The following HVCN1 variants were observed in gnomAD, a reference collection of about 807,000 sequenced individuals.
The protein encoded by HVCN1 is hydrogen voltage gated channel 1, also known as voltage-gated hydrogen channel 1.
In HVCN1, 14 loss-of-function variants were observed where a neutral mutation model predicts 29.2. That is an observed-to-expected ratio of 0.48 (90% CI 0.32 to 0.75). HVCN1 has a LOEUF of 0.75. Ranked by LOEUF, HVCN1 falls within the 30% of genes least tolerant of loss-of-function variation. The pLI is 0.04. For missense variants in HVCN1, 263 were observed against 341.8 expected, an observed-to-expected ratio of 0.77 and a Z score of 1.82; for synonymous variants, 131 against 133.2, an observed-to-expected ratio of 0.98 and a Z score of 0.11.
rs1213460583 is a variant in HVCN1 at position 110,661,618 on chromosome 12, T to A, written c.22-170A>T. Among the ~76,000 whole-genome samples the A allele has an allele frequency of 6.6e-6, 1 of 152,030 alleles. No homozygotes were observed. Among genetic ancestry groups the A allele is most frequent in the Non-Finnish European group, 1.5e-5 (1 of 68,020 alleles). ...GTTTCTCGTGCTTTTATTTTTGGAA[T>A]CCAGGGTCTCAGTGTCTATGAGGCA... On this transcript the variant is annotated intron_variant, in intron 3 of 7. Transcript: ENST00000242607. This position sits in a 1 kb window ranked among gnomAD's most constrained non-coding sequence, Gnocchi z 6.2.
chr12:110,696,740 G>T (rs907352245), intron 2 of HVCN1, among the ~76,000 whole-genome samples: 1 of 152,142 alleles, frequency 6.6e-6, no homozygotes, highest in African/African-American at 2.4e-5. Context: ...CGTCATCCAT[G>T]TTGTAGCATG....
rs2068149688 is a variant in HVCN1 at position 110,661,030 on chromosome 12, C to T, written c.306+134G>A. On this transcript the variant is annotated intron_variant, in intron 4 of 7. Coordinates refer to ENST00000242607, the MANE Select transcript of HVCN1 (RefSeq NM_032369.4). The surrounding 1 kb of genome is among the most constrained non-coding windows in gnomAD (Gnocchi z 6.2). ...CCAGCACGGTACAGGGTCCCCGGCA[C>T]GTGGTAGGTGCTGGGCAAACACTCG... 6.0e-6 allele frequency: 5 copies of T among 831,542 alleles called. No homozygotes were observed. The highest frequency in any genetic ancestry group is 7.8e-6 in the Non-Finnish European group (4 of 512,522). The allele number at this position is 831,542 out of a possible 1,614,324, so 51.5% of individuals were successfully genotyped here.
intron 3 of HVCN1, among the ~76,000 whole-genome samples, chr12:110,669,865 GA>G (rs1421343634): frequency 6.6e-6 from 1 of 152,080 alleles, no homozygotes; most frequent in Non-Finnish European, 1.5e-5. Flanking sequence ...AGACCAGCCT[GA>G]CCAACAGGGT....
intron 3 of HVCN1, among the ~76,000 whole-genome samples, chr12:110,662,604 C>T (rs1281761277): frequency 1.3e-5 from 2 of 152,198 alleles, no homozygotes. Flanking sequence ...ACTCAGGAGG[C>T]TGAGGCCCCA....
chr12:110,692,506 G>A (rs2069424947), upstream of HVCN1, among the ~76,000 whole-genome samples: 1 of 152,140 alleles, frequency 6.6e-6, no homozygotes, highest in Non-Finnish European at 1.5e-5. Flanking sequence ...GACTGCTTGA[G>A]CCCAGGAGTT....
chr12:110,704,114 C>CT (rs550716738), intron 1 of HVCN1, among the ~76,000 whole-genome samples: 11 of 152,166 alleles, frequency 7.2e-5, no homozygotes, highest in Admixed American at 7.2e-4. Flanking sequence ...ATGTGTACGC[C>CT]TAAGTATGGG....
intron 3 of HVCN1, among the ~76,000 whole-genome samples, chr12:110,665,603 CAAGA>C (rs1465472276): frequency 6.6e-6 from 1 of 150,766 alleles, no homozygotes; most frequent in Non-Finnish European, 1.5e-5. Flanking sequence ...TAGAACTGGC[CAAGA>C]AAGACTTGAA....
rs566878792 is a variant in HVCN1 at position 110,695,389 on chromosome 12, C to T, written c.-103-6681G>A. Among the ~76,000 whole-genome samples, 1,033 of 152,092 alleles carry T rather than the reference C, an allele frequency of 6.8e-3. 1 individual carries two copies. The highest frequency in any genetic ancestry group is 9.3e-3 in the Non-Finnish European group (632 of 67,986). On this transcript the variant is annotated intron_variant, in intron 2 of 4. Transcript: ENST00000546713. Reference sequence around the variant, plus strand: ...TTTTGTGTACACACACACACACACACACACACACACACATGACCTAGCCAG... The same window carrying T: ...TTTTGTGTACACACACACACACACATACACACACACACATGACCTAGCCAG...
chr12:110,691,890 C>T (rs893850486), upstream of HVCN1, among the ~76,000 whole-genome samples: 1 of 152,312 alleles, frequency 6.6e-6, no homozygotes, highest in Non-Finnish European at 1.5e-5. Context: ...TGGCCTGGAA[C>T]CTGGGGCCAC....
intron 3 of HVCN1, among the ~76,000 whole-genome samples, chr12:110,663,587 CAAAAAAA>C (rs1182792368): frequency 6.6e-4 from 17 of 25,836 alleles, no homozygotes; most frequent in Middle Eastern, 0.048. Context: ...GACGCTGTCT[CAAAAAAA>C]AAAAAAAAAA....
chr12:110,661,239 G>T lies in HVCN1; in HGVS notation c.231C>A (p.Ala77=). 1 of 1,614,068 alleles carries T rather than the reference G, an allele frequency of 6.2e-7. No individual in the cohort carries two copies. The highest frequency in any genetic ancestry group is 8.5e-7 in the Non-Finnish European group (1 of 1,179,932). The part of the protein sequence containing the change: ...GRAAAPDVAP[A]PGPAPRAPLD... ...GGGGGGCCCTGGGTGCGGGGCCAGG[G>T]GCAGGGGCAACGTCAGGGGCTGCAG... The change falls in exon 4 of 8, where the codon GCC becomes GCA. Residue 77 remains alanine, a synonymous_variant. Coordinates refer to ENST00000242607, the MANE Select transcript of HVCN1 (RefSeq NM_032369.4). This position sits in a 1 kb window ranked among gnomAD's most constrained non-coding sequence, Gnocchi z 6.2.
chr12:110,683,066 A>T, intron 3 of HVCN1, 159 bp downstream of exon 3: 1 of 948,448 alleles, frequency 1.1e-6, no homozygotes, highest in South Asian at 1.4e-5. Flanking sequence ...GGTTTTGTGA[A>T]GTCCTTTTAC....
intron 1 of HVCN1, among the ~76,000 whole-genome samples, chr12:110,703,384 G>A (rs2069580653): frequency 6.6e-6 from 1 of 150,442 alleles, no homozygotes; most frequent in African/African-American, 2.4e-5. Context: ...GTGAGATCCT[G>A]ACTCTAAAAA....
At position 110,681,555 on chromosome 12, in the gene HVCN1, T is replaced by TA. The variant is rs538424473; in HGVS notation, c.21+1669dup. On this transcript the variant is annotated intron_variant, in intron 3 of 7. Coordinates refer to ENST00000242607, the MANE Select transcript of HVCN1 (RefSeq NM_032369.4). Reference sequence around the variant, plus strand: ...AGGAAAAGCATGAACAGTTCCCACTTAACCTTTCTTCCATGCTGACTCTCT... The same window carrying TA: ...AGGAAAAGCATGAACAGTTCCCACTTAAACCTTTCTTCCATGCTGACTCTCT... 2.9e-3 allele frequency among the ~76,000 whole-genome samples: 444 copies of TA among 152,346 alleles called. 4 individuals are homozygous for TA. The highest frequency in any genetic ancestry group is 0.02 in the South Asian group (99 of 4,830).
intron 4 of HVCN1, among the ~76,000 whole-genome samples, chr12:110,657,926 C>T (rs1460504250): frequency 6.6e-6 from 1 of 152,212 alleles, no homozygotes; most frequent in Non-Finnish European, 1.5e-5. Flanking sequence ...CTGCCTGGAC[C>T]TTGGACACAT....
At chr12:110,663,040 C>T (rs1440340410) in intron 3 of HVCN1, among the ~76,000 whole-genome samples, 1 of 152,170 alleles carries the variant, frequency 6.6e-6, no homozygotes, top group Non-Finnish European at 1.5e-5. Context: ...AACAATAGCA[C>T]ATCTTTTCAC....
At chr12:110,684,445 T>C (rs565535552) in intron 2 of HVCN1, among the ~76,000 whole-genome samples, 3 of 152,314 alleles carry the variant, frequency 2.0e-5, no homozygotes, top group African/African-American at 7.2e-5. Context: ...ACCAGCTATA[T>C]CAGTGAATGC....
At chr12:110,698,266 T>G (rs1397513645) in intron 2 of HVCN1, among the ~76,000 whole-genome samples, 3 of 152,152 alleles carry the variant, frequency 2.0e-5, no homozygotes, top group Admixed American at 2.0e-4. Context: ...TCCTAAAGTG[T>G]TGGGATTACA....
chr12:110,678,439 C>CTTTTTT lies in HVCN1; in HGVS notation c.21+4780_21+4785dup, dbSNP rs538999674. Among the ~76,000 whole-genome samples the CTTTTTT allele has an allele frequency of 4.6e-3, 304 of 65,860 alleles. 1 individual carries two copies. The highest frequency in any genetic ancestry group is 6.5e-3 in the Non-Finnish European group (224 of 34,504). 43.2% of individuals were successfully genotyped at this position (65,860 alleles called of 152,430 possible). On this transcript the variant is annotated intron_variant, in intron 3 of 7. Transcript: ENST00000242607. ...TCTTATTTTCCATTTCATTCTATTT[C>CTTTTTT]TTTTTTTTTTTTTTTTTTTTTTTTT...
Sources: gnomAD v4.1 joint callset for allele counts (sites outside exome capture counted in the v4.1 genomes callset) on GRCh38, gnomAD v4.1.1 for gene constraint, Gnocchi (gnomAD v3.1) non-coding constraint, MANE v1.5 for transcripts, NCBI Gene and HGNC (gene_info 2026-07-23, HGNC 2026-07-21) for gene names.